The following HMOX1 variants were observed in gnomAD, a reference collection of about 807,000 sequenced individuals.
HMOX1 encodes the protein heat shock protein, 32-kD.
A neutral mutation model predicts 27.8 loss-of-function variants in HMOX1; 22 were observed. The ratio of observed to expected loss-of-function variants is 0.79; its 90% CI spans 0.57 to 1.13. The LOEUF is 1.13. Among genes scored for constraint, HMOX1 ranks in the 50% most tolerant of loss-of-function variants. HMOX1 has a pLI of 0.00. For missense variants in HMOX1, 379 were observed against 377.7 expected, an observed-to-expected ratio of 1.00 and a Z score of -0.03; for synonymous variants, 153 against 151.6, an observed-to-expected ratio of 1.01 and a Z score of -0.07.
At position 35,386,855 on chromosome 22, in the gene HMOX1, C is replaced by A. The variant is rs1335199626; in HGVS notation, c.315C>A (p.Ile105=). ...ACGGGCCCCGCTGGCAGGAGGTCAT[C>A]CCCTACACACCAGCCATGCAGCGCT... is the stretch of plus-strand genomic sequence containing the variant. ...FWYGPRWQEV[I]PYTPAMQRYV... Residue 105 remains isoleucine (I), a synonymous_variant, in exon 3 of 5, where the codon ATC becomes ATA. Transcript: ENST00000216117. The A allele has an allele frequency of 1.2e-6, 2 of 1,614,176 alleles. No individual in the cohort carries two copies. The highest frequency in any genetic ancestry group is 1.7e-5 in the Admixed American group (1 of 60,032).
At chr22:35,385,960 T>A (rs886094714) in intron 2 of HMOX1, among the ~76,000 whole-genome samples, 13 of 144,044 alleles carry the variant, frequency 9.0e-5, no homozygotes, top group African/African-American at 2.1e-4. Context: ...TTATTTATTT[T>A]TATTTATTTT....
intron 4 of HMOX1, among the ~76,000 whole-genome samples, chr22:35,392,676 C>T (rs1931750221): frequency 6.6e-6 from 1 of 151,982 alleles, no homozygotes; most frequent in Non-Finnish European, 1.5e-5. Flanking sequence ...GGCACATCTA[C>T]CCAGGTTGCA....
At chr22:35,388,815 A>AC (rs372823736) in intron 3 of HMOX1, among the ~76,000 whole-genome samples, 9 of 151,858 alleles carry the variant, frequency 5.9e-5, no homozygotes, top group African/African-American at 2.2e-4. Context: ...AAAACAAACA[A>AC]AAAAAAACGG....
intron 3 of HMOX1, among the ~76,000 whole-genome samples, chr22:35,389,424 C>G (rs1327298649): frequency 1.3e-5 from 1 of 77,210 alleles, no homozygotes; most frequent in African/African-American, 6.8e-5. Context: ...TTCTTTCTTT[C>G]TTTCTATCTT....
At position 35,389,434 on chromosome 22, in the gene HMOX1, T is replaced by A. The variant is rs551196221; in HGVS notation, c.637-430T>A. Among the ~76,000 whole-genome samples the A allele has an allele frequency of 2.4e-4, 28 of 118,292 alleles. 1 individual carries two copies. Among genetic ancestry groups the A allele is most frequent in the South Asian group, 4.9e-4 (2 of 4,076 alleles). 77.6% of individuals were successfully genotyped at this position (118,292 alleles called of 152,430 possible). ...TTTCTTTCTTTCTTTCTTTCTATCTTTCTTTCTTTCTTTCTTTTCTTTCTT... is the reference window on the plus strand; with the variant it reads ...TTTCTTTCTTTCTTTCTTTCTATCTATCTTTCTTTCTTTCTTTTCTTTCTT... On this transcript the variant is annotated intron_variant, in intron 3 of 4. Coordinates refer to ENST00000216117, the MANE Select transcript of HMOX1 (RefSeq NM_002133.3).
intron 4 of HMOX1, among the ~76,000 whole-genome samples, chr22:35,391,177 A>T (rs1425242947): frequency 6.6e-6 from 1 of 152,158 alleles, no homozygotes; most frequent in East Asian, 1.9e-4. Flanking sequence ...ACGTCACCCT[A>T]ATGAAGCAGT....
At chr22:35,389,219 TTC>T (rs1303459058) in intron 3 of HMOX1, among the ~76,000 whole-genome samples, 1 of 127,338 alleles carries the variant, frequency 7.9e-6, no homozygotes, top group Non-Finnish European at 1.6e-5. Flanking sequence ...CTTTCTCTCT[TTC>T]TTTCTTTCTT....
At chr22:35,388,576 A>G (rs1601742498) in intron 3 of HMOX1, among the ~76,000 whole-genome samples, 1 of 152,066 alleles carries the variant, frequency 6.6e-6, no homozygotes, top group Non-Finnish European at 1.5e-5. Flanking sequence ...TCACGAAGTC[A>G]GGAGATCGAG....
chr22:35,389,812 G>C, intron 3 of HMOX1, 52 bp from the exon 4 acceptor site: 1 of 1,248,220 alleles, frequency 8.0e-7, no homozygotes, highest in African/African-American at 1.5e-5. Flanking sequence ...CTTCAGCTGG[G>C]ACCTGGTAGC....
chr22:35,389,925 C>A lies in HMOX1; in HGVS notation c.698C>A (p.Ala233Glu). ...ACCAAGGACCAGAGCCCCTCACGGG[C>A]ACCAGGGCTTCGCCAGCGGGCCAGC... The part of the protein sequence containing the change: ...HDTKDQSPSR[A>E]PGLRQRASNK... Residue 233 changes from alanine to glutamate, a missense_variant, in exon 4 of 5, where the codon GCA (alanine) becomes GAA (glutamate). By Grantham distance (107) the Ala-to-Glu change is moderately radical. Coordinates refer to ENST00000216117, the MANE Select transcript of HMOX1 (RefSeq NM_002133.3). 6.2e-7 allele frequency: 1 copy of A among 1,612,198 alleles called. No individual in the cohort carries two copies. The highest frequency in any genetic ancestry group is 8.5e-7 in the Non-Finnish European group (1 of 1,179,814).
rs747083748 is a variant in HMOX1, at chr22:35,387,178, T to A, written c.636+2T>A. ...ACTGCGTTCCTGCTCAACATCCAGG[T>A]GAGGGTCGGGCAGCCTGGGGCAGCC... On this transcript the variant is annotated splice_donor_variant, in intron 3 of 4. Coordinates refer to ENST00000216117, the MANE Select transcript of HMOX1 (RefSeq NM_002133.3). LOFTEE classifies it high-confidence loss of function. The A allele has an allele frequency of 1.5e-5, 24 of 1,613,220 alleles. No individual in the cohort carries two copies. The highest frequency in any genetic ancestry group is 1.6e-4 in the Middle Eastern group (1 of 6,084).
intron 4 of HMOX1, among the ~76,000 whole-genome samples, chr22:35,392,994 G>A (rs17885296): frequency 6.6e-6 from 1 of 152,184 alleles, no homozygotes; most frequent in African/African-American, 2.4e-5. Flanking sequence ...GGGATTACAG[G>A]CGTGAGCCAC....
rs1232251301 is a variant in HMOX1 at position 35,389,388 on chromosome 22, C to CT, written c.637-474dup. 1.3e-3 allele frequency among the ~76,000 whole-genome samples: 78 copies of CT among 58,320 alleles called. 1 individual carries two copies. Among genetic ancestry groups the CT allele is most frequent in the Middle Eastern group, 6.7e-3 (1 of 150 alleles). The allele number at this position is 58,320 out of a possible 152,430, so 38.3% of individuals were successfully genotyped here. A position where few individuals can be genotyped will look rare whatever the true frequency, so the allele number is the denominator to read the frequency against. ...CCTTCCTTCCTTCCTTCCTTCCTTC[C>CT]TTCCTTCCTTTCTTTCTTTCTTTCT... On this transcript the variant is annotated intron_variant, in intron 3 of 4. Coordinates refer to ENST00000216117, the MANE Select transcript of HMOX1 (RefSeq NM_002133.3).
intron 2 of HMOX1, among the ~76,000 whole-genome samples, chr22:35,383,705 T>C (rs904938045): frequency 6.6e-6 from 1 of 152,176 alleles, no homozygotes; most frequent in African/African-American, 2.4e-5. Flanking sequence ...AGGAATAATA[T>C]AGGTTGGAGT....
rs1397911154 is a variant in HMOX1 at position 35,393,456 on chromosome 22, T to A, written c.737-12T>A. 1 of 1,613,958 alleles carries A rather than the reference T, an allele frequency of 6.2e-7. No homozygotes were observed. The highest frequency in any genetic ancestry group is 2.2e-5 in the East Asian group (1 of 44,868). The stretch of plus-strand genomic sequence containing the variant: ...CCACCTGTTAATGACCTTGCCCCAT[T>A]TTCTCTTTCAGATTCTGCCCCCGTG... On this transcript the variant is annotated splice_polypyrimidine_tract_variant and intron_variant, in intron 4 of 4. Transcript: ENST00000216117.
intron 3 of HMOX1, among the ~76,000 whole-genome samples, chr22:35,389,391 C>CTTTCTTTCTTTCTTTCTTTCTTT (rs1931636673): frequency 2.0e-5 from 1 of 49,798 alleles, no homozygotes; most frequent in Non-Finnish European, 3.8e-5. Flanking sequence ...TTCCTTCCTT[C>CTTTCTTTCTTTCTTTCTTTCTTT]CTTCCTTTCT....
At position 35,387,136 on chromosome 22, in the gene HMOX1, T is replaced by C. The variant is rs1298165167; in HGVS notation, c.596T>C (p.Val199Ala). ...LEMTPAVRQR[V>A]IEEAKTAFLL... ...ATGACTCCCGCAGTCAGGCAGAGGG[T>C]GATAGAAGAGGCCAAGACTGCGTTC... is the stretch of plus-strand genomic sequence containing the variant. Residue 199 changes from valine to alanine, a missense_variant, in exon 3 of 5, where the codon GTG becomes GCG. By Grantham distance (64) the Val-to-Ala change is moderately conservative (BLOSUM62 0). Coordinates refer to ENST00000216117, the MANE Select transcript of HMOX1 (RefSeq NM_002133.3). 1.2e-6 allele frequency: 2 copies of C among 1,613,310 alleles called. No individual in the cohort carries two copies. The highest frequency in any genetic ancestry group is 1.3e-5 in the African/African-American group (1 of 74,884).
chr22:35,390,138 C>A, intron 4 of HMOX1, 175 bp downstream of exon 4: 1 of 658,082 alleles, frequency 1.5e-6, no homozygotes, highest in Admixed American at 2.1e-5. Flanking sequence ...ATTGCCCAGG[C>A]CAGTCTTGAA....
At position 35,393,455 on chromosome 22, in the gene HMOX1, T is replaced by A. The variant is rs767804177; in HGVS notation, c.737-13T>A. 1.2e-6 allele frequency: 2 copies of A among 1,613,930 alleles called. No individual in the cohort carries two copies. The highest frequency in any genetic ancestry group is 1.7e-5 in the Admixed American group (1 of 60,008). ...CCCACCTGTTAATGACCTTGCCCCA[T>A]TTTCTCTTTCAGATTCTGCCCCCGT... On this transcript the variant is annotated splice_polypyrimidine_tract_variant and intron_variant, in intron 4 of 4. Coordinates refer to ENST00000216117, the MANE Select transcript of HMOX1 (RefSeq NM_002133.3).
Sources: allele counts gnomAD v4.1 joint callset (sites outside exome capture counted in the v4.1 genomes callset), GRCh38; gene constraint gnomAD v4.1.1; transcripts MANE v1.5; gene names NCBI Gene and HGNC (gene_info 2026-07-23, HGNC 2026-07-21).